Variants in ZNF618 observed in about 807,000 individuals in gnomAD.
ZNF618 encodes zinc finger protein 618, also known as neural precursor cell expressed, developmentally down-regulated 10.
In ZNF618, 34 loss-of-function variants were observed where a neutral mutation model predicts 103.0. That is an observed-to-expected ratio of 0.33 (90% CI 0.25 to 0.44). The LOEUF (loss-of-function observed/expected upper bound fraction) is 0.44, where lower values mean the gene tolerates loss of function less well. Ranked by LOEUF, ZNF618 falls within the 20% of genes least tolerant of loss-of-function variation. The probability of loss-of-function intolerance (pLI) is 1.00; values close to 1 mark genes in which losing one functional copy is unlikely to be tolerated. For synonymous variants in ZNF618, 551 were observed against 542.2 expected (o/e 1.02, Z -0.23); for missense variants, 1,059 against 1,295.4 (o/e 0.82, Z 2.80).
intron 2 of ZNF618, among the ~76,000 whole-genome samples, chr9:113,983,197 A>G (rs911888606): frequency 3.3e-5 from 5 of 152,234 alleles, no homozygotes; most frequent in Admixed American, 6.5e-5. Context: ...AAATGGATAT[A>G]ATTAAAATAA....
chr9:113,946,698 G>A (rs1835068275), intron 1 of ZNF618, among the ~76,000 whole-genome samples: 1 of 152,190 alleles, frequency 6.6e-6, no homozygotes, highest in African/African-American at 2.4e-5. Flanking sequence ...TCTGAGAGGG[G>A]CTGTGAAAGT....
chr9:114,008,956 TG>T (rs554034079), intron 9 of ZNF618, among the ~76,000 whole-genome samples: 1 of 152,116 alleles, frequency 6.6e-6, no homozygotes, highest in Non-Finnish European at 1.5e-5. Context: ...ACATAGTAGG[TG>T]CTCGGAAAAT....
intron 1 of ZNF618, among the ~76,000 whole-genome samples, chr9:113,950,464 G>T (rs1393753351): frequency 2.6e-5 from 4 of 152,174 alleles, no homozygotes; most frequent in African/African-American, 9.7e-5. Flanking sequence ...ATGGGTTGAT[G>T]ATCCATGTGA....
chr9:113,942,326 T>C (rs951223480), intron 1 of ZNF618, among the ~76,000 whole-genome samples: 31 of 152,274 alleles, frequency 2.0e-4, no homozygotes, highest in African/African-American at 7.2e-4. Flanking sequence ...CAAGTCTTCC[T>C]TCCTCTTCCC....
intron 14 of ZNF618, 107 bp downstream of exon 14, chr9:114,048,101 A>G: frequency 3.1e-6 from 3 of 982,824 alleles, no homozygotes; most frequent in Non-Finnish European, 4.6e-6. Context: ...TTGTAAGATG[A>G]TGCATGATAG....
At chr9:114,048,175 G>A (rs549324349) in intron 14 of ZNF618, among the ~76,000 whole-genome samples, 181 bp downstream of exon 14, 1 of 152,340 alleles carries the variant, frequency 6.6e-6, no homozygotes, top group South Asian at 2.1e-4. Context: ...GGGATGGGCA[G>A]AAGGAGGCCC....
Position 113,921,001 on chromosome 9 carries a change from C to T in ZNF618, c.33+44588C>T, listed in dbSNP as rs77796261. Among the ~76,000 whole-genome samples, 1,172 of 152,370 alleles carry T rather than the reference C, an allele frequency of 7.7e-3. 6 individuals are homozygous for T. Among genetic ancestry groups the T allele is most frequent in the Non-Finnish European group, 0.012 (807 of 68,032 alleles). On this transcript the variant is annotated intron_variant, in intron 1 of 14. Transcript: ENST00000374126. The stretch of plus-strand genomic sequence containing the variant: ...GGTGTGTTTCCCTTGCTAGCATGCA[C>T]GCTCCATCAGGTTAGGGGCAATGGC...
At chr9:113,934,876 A>G (rs1280351168) in intron 1 of ZNF618, among the ~76,000 whole-genome samples, 1 of 152,174 alleles carries the variant, frequency 6.6e-6, no homozygotes, top group South Asian at 2.1e-4. Context: ...AGAGTATCCT[A>G]TTTGTACAGC....
chr9:114,033,384 TC>T (rs1844270043), intron 12 of ZNF618, among the ~76,000 whole-genome samples: 1 of 119,174 alleles, frequency 8.4e-6, no homozygotes, highest in Non-Finnish European at 1.8e-5. Flanking sequence ...AGACTCTGTC[TC>T]AAAAAGAGAG....
At chr9:114,006,801 G>A (rs911341714) in intron 6 of ZNF618, among the ~76,000 whole-genome samples, 2 of 152,150 alleles carry the variant, frequency 1.3e-5, no homozygotes, top group East Asian at 3.9e-4. Flanking sequence ...GTTGCTAGCA[G>A]GTTTAACAAC....
intron 2 of ZNF618, among the ~76,000 whole-genome samples, chr9:113,978,851 T>C (rs1188609317): frequency 6.6e-6 from 1 of 152,122 alleles, no homozygotes; most frequent in Non-Finnish European, 1.5e-5. Flanking sequence ...CACAGAAGGA[T>C]GAGATGGTGT....
At chr9:113,901,830 C>G (rs1474215234) in intron 1 of ZNF618, among the ~76,000 whole-genome samples, 1 of 152,106 alleles carries the variant, frequency 6.6e-6, no homozygotes, top group African/African-American at 2.4e-5. Context: ...AACTCCTGTT[C>G]TCCGGACTAT....
chr9:113,896,897 T>A (rs558986778), intron 1 of ZNF618, among the ~76,000 whole-genome samples: 15 of 152,274 alleles, frequency 9.9e-5, no homozygotes, highest in African/African-American at 3.4e-4. Flanking sequence ...TACTTTCAGT[T>A]CTGGATTTTC....
chr9:114,030,939 C>T (rs1843968893), intron 11 of ZNF618: 1 of 152,120 alleles, frequency 6.6e-6, no homozygotes, highest in African/African-American at 2.4e-5. Flanking sequence ...TACCAGTCAC[C>T]CAACGTACAC....
intron 14 of ZNF618, 90 bp from the exon 15 acceptor site, chr9:114,048,561 A>G (rs1845860633): frequency 2.6e-5 from 36 of 1,361,154 alleles, no homozygotes; most frequent in African/African-American, 4.3e-5. Context: ...GCCATTCCCA[A>G]TACTAGATGT....
intron 10 of ZNF618, 69 bp from the exon 11 acceptor site, chr9:114,028,664 G>A: frequency 1.3e-6 from 2 of 1,499,430 alleles, no homozygotes; most frequent in Non-Finnish European, 1.8e-6. Context: ...TGTGGGGCTG[G>A]TGGCCCGAGA....
chr9:113,990,062 G>A (rs985320213), intron 3 of ZNF618, among the ~76,000 whole-genome samples: 3 of 152,174 alleles, frequency 2.0e-5, no homozygotes, highest in African/African-American at 7.2e-5. Context: ...TTTCATTCCA[G>A]TGTAGTCTGC....
intron 1 of ZNF618, among the ~76,000 whole-genome samples, chr9:113,912,945 C>T (rs1487414455): frequency 2.0e-5 from 3 of 152,104 alleles, no homozygotes; most frequent in Non-Finnish European, 4.4e-5. Context: ...TTCAAGAAAA[C>T]CCTCCAAGGT....
chr9:113,914,032 G>A (rs1831818879), intron 1 of ZNF618, among the ~76,000 whole-genome samples: 5 of 152,094 alleles, frequency 3.3e-5, no homozygotes. Context: ...GATGAATTTT[G>A]TTTATTCAGC....
Sources: gnomAD v4.1 joint callset for allele counts (sites outside exome capture counted in the v4.1 genomes callset) on GRCh38, gnomAD v4.1.1 for gene constraint, MANE v1.5 for transcripts, NCBI Gene and HGNC (gene_info 2026-07-23, HGNC 2026-07-21) for gene names.